TBXAS1: variants seen among roughly 807,000 people sequenced by gnomAD.
TBXAS1 encodes thromboxane A synthase 1.
In TBXAS1, 48 loss-of-function variants were observed where a neutral mutation model predicts 60.7. The observed-to-expected ratio is 0.79, with a 90% CI of 0.63 to 1.01. The LOEUF is 1.01. Ranked by LOEUF, TBXAS1 falls within the 50% of genes least tolerant of loss-of-function variation. The probability of loss-of-function intolerance (pLI) is 0.00; values close to 1 mark genes in which losing one functional copy is unlikely to be tolerated. For synonymous variants in TBXAS1, 287 were observed against 269.7 expected (o/e 1.06, Z -0.63); for missense variants, 685 against 686.3 (o/e 1.00, Z 0.02).
chr7:139,805,192 T>A (rs1269814414), intron 4 of TBXAS1, among the ~76,000 whole-genome samples: 2 of 152,256 alleles, frequency 1.3e-5, no homozygotes, highest in African/African-American at 4.8e-5. Context: ...GAACATTGCA[T>A]GTGTGTTTCC....
intron 4 of TBXAS1, among the ~76,000 whole-genome samples, chr7:139,919,966 C>G (rs1806325220): frequency 6.6e-6 from 1 of 152,218 alleles, no homozygotes; most frequent in Non-Finnish European, 1.5e-5. Flanking sequence ...CAGTACAGCA[C>G]CTGGCACACA....
At position 139,900,156 on chromosome 7, in the gene TBXAS1, T is replaced by G. The variant is rs187280998; in HGVS notation, c.237-11069T>G. On this transcript the variant is annotated intron_variant, in intron 3 of 12. Coordinates refer to ENST00000448866, the MANE Select transcript of TBXAS1 (RefSeq NM_001061.7). Reference sequence around the variant, plus strand: ...AAATATTTCACTAGTATGAGAAGTTTCTTTGCACCCTATAGGAAGTAGACC... The same window carrying G: ...AAATATTTCACTAGTATGAGAAGTTGCTTTGCACCCTATAGGAAGTAGACC... 2.7e-3 allele frequency among the ~76,000 whole-genome samples: 407 copies of G among 152,336 alleles called. 1 individual carries two copies. Among genetic ancestry groups the G allele is most frequent in the Admixed American group, 4.6e-3 (71 of 15,298 alleles).
chr7:139,805,698 CTTTCTT>C (rs1210239651), intron 4 of TBXAS1, among the ~76,000 whole-genome samples: 3 of 31,092 alleles, frequency 9.6e-5, no homozygotes, highest in African/African-American at 2.6e-4. Flanking sequence ...TTCTTTCTTT[CTTTCTT>C]TCTTTCTTTC....
At chr7:139,791,517 T>C (rs1175871701) in intron 4 of TBXAS1, among the ~76,000 whole-genome samples, 1 of 152,182 alleles carries the variant, frequency 6.6e-6, no homozygotes, top group Non-Finnish European at 1.5e-5. Context: ...TGATCACATA[T>C]GATGCAGCTA....
At chr7:140,016,134 C>A (rs368441984) in intron 11 of TBXAS1, among the ~76,000 whole-genome samples, 2 of 152,018 alleles carry the variant, frequency 1.3e-5, no homozygotes, top group Non-Finnish European at 2.9e-5. Flanking sequence ...CGAGACCATC[C>A]TGGCTAACAC....
intron 9 of TBXAS1, among the ~76,000 whole-genome samples, chr7:139,990,360 G>A (rs1490233133): frequency 6.6e-6 from 1 of 152,192 alleles, no homozygotes; most frequent in Non-Finnish European, 1.5e-5. Context: ...GGTATTGAAG[G>A]GCAGCAGATT....
chr7:139,784,063 A>G (rs986064389), intron 3 of TBXAS1, among the ~76,000 whole-genome samples: 13 of 115,628 alleles, frequency 1.1e-4, no homozygotes, highest in African/African-American at 4.1e-4. Context: ...TCCTCCTTTC[A>G]CATGCTTGTT....
At chr7:139,944,421 C>T (rs1046335239) in intron 5 of TBXAS1, among the ~76,000 whole-genome samples, 1 of 152,128 alleles carries the variant, frequency 6.6e-6, no homozygotes, top group African/African-American at 2.4e-5. Context: ...TGTTCTGTGC[C>T]GAGAGAGTGT....
chr7:139,871,738 G>C (rs550454297), intron 1 of TBXAS1, among the ~76,000 whole-genome samples: 214 of 152,256 alleles, frequency 1.4e-3, no homozygotes, highest in African/African-American at 5.0e-3. Context: ...ACTATTCTCT[G>C]TAAGGCCAGG....
chr7:139,859,177 A>C (rs1800792268), intron 1 of TBXAS1, among the ~76,000 whole-genome samples: 1 of 137,778 alleles, frequency 7.3e-6, no homozygotes, highest in Non-Finnish European at 1.6e-5. Flanking sequence ...GCCCGGCCCA[A>C]AGCATTCATT....
chr7:139,784,847 G>A (rs777555044), intron 3 of TBXAS1, among the ~76,000 whole-genome samples: 1 of 152,132 alleles, frequency 6.6e-6, no homozygotes, highest in Non-Finnish European at 1.5e-5. Flanking sequence ...GTTTTTAATA[G>A]GAGATAGAGA....
At chr7:139,877,272 CT>C (rs1386780937) in intron 3 of TBXAS1, among the ~76,000 whole-genome samples, 3 of 152,180 alleles carry the variant, frequency 2.0e-5, no homozygotes, top group Non-Finnish European at 4.4e-5. Context: ...TCAACTTGGC[CT>C]TCACTTACTT....
chr7:139,860,342 C>A (rs1800874832), intron 1 of TBXAS1, among the ~76,000 whole-genome samples: 1 of 152,086 alleles, frequency 6.6e-6, no homozygotes, highest in Non-Finnish European at 1.5e-5. Context: ...ACAGTCCCCA[C>A]CCCAGACACT....
rs1354461273 is a variant in TBXAS1, at chr7:139,962,076, TGACTGTGGATGA to T, written c.980_991del (p.Thr327_Glu330del). 3 of 1,614,202 alleles carry T rather than the reference TGACTGTGGATGA, an allele frequency of 1.9e-6. No homozygotes were observed. Among genetic ancestry groups the T allele is most frequent in the Non-Finnish European group, 2.5e-6 (3 of 1,180,014 alleles). On this transcript the variant is annotated inframe_deletion, in exon 9 of 13. Transcript: ENST00000448866. ...CAGCCCAGCCCTATGGCCAGGCCTT[TGACTGTGGATGA>T]GATTGTGGGCCAGGCCTTCATCTTC...
rs748986878 is a variant in TBXAS1 at position 139,955,563 on chromosome 7, G to A, written c.644G>A (p.Arg215His). 47 of 1,614,116 alleles carry A rather than the reference G, an allele frequency of 2.9e-5. No individual in the cohort carries two copies. The highest frequency in any genetic ancestry group is 1.6e-4 in the Middle Eastern group (1 of 6,084). Residue 215 changes from arginine (R) to histidine (H), a missense_variant, in exon 7 of 13, where the codon CGT becomes CAT. By Grantham distance (29) the Arg-to-His change is conservative (BLOSUM62 0). Transcript: ENST00000448866. ...PEDPFVKHCKRFFEFCIPRPI... is the reference protein window; with the variant it reads ...PEDPFVKHCKHFFEFCIPRPI... ...GATCCCTTTGTGAAACACTGCAAGC[G>A]TTTCTTCGAATTCTGCATCCCCAGA...
chr7:139,837,738 A>G (rs1313644531), intron 1 of TBXAS1, among the ~76,000 whole-genome samples: 2 of 152,200 alleles, frequency 1.3e-5, no homozygotes, highest in Non-Finnish European at 2.9e-5. Flanking sequence ...TGGGTGCACC[A>G]AAATCTCAGA....
intron 3 of TBXAS1, among the ~76,000 whole-genome samples, chr7:139,893,888 T>C (rs760415611): frequency 7.9e-5 from 12 of 152,230 alleles, no homozygotes; most frequent in Non-Finnish European, 1.3e-4. Context: ...TCATTACAGG[T>C]TTCTTTCAGA....
intron 9 of TBXAS1, among the ~76,000 whole-genome samples, chr7:139,968,875 G>GA (rs541633145): frequency 2.6e-5 from 4 of 152,264 alleles, no homozygotes; most frequent in Admixed American, 2.6e-4. Flanking sequence ...TCGTAAAGCT[G>GA]AAAAAACCAC....
chr7:139,995,995 G>T (rs894874433), intron 9 of TBXAS1, among the ~76,000 whole-genome samples: 1 of 152,054 alleles, frequency 6.6e-6, no homozygotes, highest in Admixed American at 6.6e-5. Flanking sequence ...ATATAATGGC[G>T]CGTCTTCTTC....
Sources: gnomAD v4.1 joint callset for allele counts (sites outside exome capture counted in the v4.1 genomes callset) on GRCh38, gnomAD v4.1.1 for gene constraint, MANE v1.5 for transcripts, NCBI Gene and HGNC (gene_info 2026-07-23, HGNC 2026-07-21) for gene names.